ANKMY2: variants seen among roughly 807,000 people sequenced by gnomAD.
The protein encoded by ANKMY2 is ankyrin repeat and MYND domain containing 2, also known as ankyrin repeat and MYND domain-containing protein 2.
In ANKMY2, 36 loss-of-function variants were observed where a neutral mutation model predicts 50.4. That is an observed-to-expected ratio of 0.71 (90% CI 0.55 to 0.94). The LOEUF (loss-of-function observed/expected upper bound fraction) is 0.94, where lower values mean the gene tolerates loss of function less well. Ranked by LOEUF, ANKMY2 falls within the 40% of genes least tolerant of loss-of-function variation. The probability of loss-of-function intolerance (pLI) is 0.00; values close to 1 mark genes in which losing one functional copy is unlikely to be tolerated. For synonymous variants in ANKMY2, 187 were observed against 178.8 expected, an observed-to-expected ratio of 1.05 and a Z score of -0.36; for missense variants, 565 against 524.0, an observed-to-expected ratio of 1.08 and a Z score of -0.76.
rs75010324 is a variant in ANKMY2 at position 16,634,698 on chromosome 7, G to C, written c.132+1693C>G. ...CCAGGAAGAGTGCCTGTTCCCACCAGCCAGGCTTGAAAACCTCAAGCATCT... is the reference window on the plus strand; with the variant it reads ...CCAGGAAGAGTGCCTGTTCCCACCACCCAGGCTTGAAAACCTCAAGCATCT... On this transcript the variant is annotated intron_variant, in intron 2 of 9. Transcript: ENST00000306999. Among the ~76,000 whole-genome samples, 81 of 152,274 alleles carry C rather than the reference G, an allele frequency of 5.3e-4. No homozygotes were observed. The East Asian group carries it at 0.016, about 29-fold the overall frequency.
chr7:16,607,668 CTTTTTTTTTTTTTT>C (rs60554872), intron 7 of ANKMY2, among the ~76,000 whole-genome samples: 57,756 of 126,996 alleles, frequency 0.45, 12,015 homozygotes, highest in East Asian at 0.63. Context: ...TATTGACCTG[CTTTTTTTTTTTTTT>C]TTTTTTTTTA....
intron 7 of ANKMY2, among the ~76,000 whole-genome samples, chr7:16,606,190 C>A (rs530533691): frequency 6.6e-6 from 1 of 151,902 alleles, no homozygotes; most frequent in Non-Finnish European, 1.5e-5. Context: ...CAGTACTGTG[C>A]GAGGCCAAGG....
chr7:16,625,022 A>G lies in ANKMY2; in HGVS notation c.331T>C (p.Ser111Pro). 6.2e-7 allele frequency: 1 copy of G among 1,614,176 alleles called. No homozygotes were observed. Among genetic ancestry groups the G allele is most frequent in the Non-Finnish European group, 8.5e-7 (1 of 1,180,008 alleles). The change falls in exon 4 of 10, where the codon TCT becomes CCT. Residue 111 changes from serine (S) to proline (P), a missense_variant. Coordinates refer to ENST00000306999, the MANE Select transcript of ANKMY2 (RefSeq NM_020319.3). ...EAGAETDVVN[S>P]VGRTAAQMAA... ...ATCTGAGCTGCTGTTCTTCCCACAG[A>G]GTTGACAACATCTGTCTCAGCACCA...
intron 2 of ANKMY2, among the ~76,000 whole-genome samples, chr7:16,628,295 G>A (rs10486794): frequency 0.31 from 46,397 of 152,048 alleles, 8,539 homozygotes; most frequent in Non-Finnish European, 0.4. Context: ...TATTATGAAC[G>A]TAAGCCATCA....
intron 3 of ANKMY2, among the ~76,000 whole-genome samples, chr7:16,625,604 A>T (rs1781496744): frequency 6.6e-6 from 1 of 152,180 alleles, no homozygotes; most frequent in African/African-American, 2.4e-5. Flanking sequence ...GCTATTATGA[A>T]CTATACTCAG....
intron 2 of ANKMY2, among the ~76,000 whole-genome samples, chr7:16,631,852 T>A (rs1781591314): frequency 6.6e-6 from 1 of 152,060 alleles, no homozygotes; most frequent in African/African-American, 2.4e-5. Context: ...TGACCTCAGG[T>A]GATCCAACCG....
intron 4 of ANKMY2, among the ~76,000 whole-genome samples, chr7:16,618,819 C>T (rs1457192982): frequency 2.0e-5 from 3 of 152,160 alleles, no homozygotes; most frequent in African/African-American, 7.2e-5. Context: ...AGGAAATTTA[C>T]AACTGTATGT....
chr7:16,632,215 T>A (rs948765630), intron 2 of ANKMY2, among the ~76,000 whole-genome samples: 6 of 151,130 alleles, frequency 4.0e-5, no homozygotes, highest in Admixed American at 4.0e-4. Flanking sequence ...AGTTGATAAT[T>A]TTTACTGTTT....
chr7:16,636,023 A>G (rs1781653664), intron 2 of ANKMY2, among the ~76,000 whole-genome samples: 1 of 152,096 alleles, frequency 6.6e-6, no homozygotes, highest in Non-Finnish European at 1.5e-5. Flanking sequence ...AGAGATTTGA[A>G]GGCTGAGCGT....
intron 3 of ANKMY2, 122 bp downstream of exon 3, chr7:16,626,918 T>C: frequency 1.3e-6 from 1 of 797,198 alleles, no homozygotes; most frequent in Non-Finnish European, 1.8e-6. Context: ...ATTGCCATCA[T>C]TCCTTTCCAT....
chr7:16,625,071 G>A lies in ANKMY2; in HGVS notation c.282C>T (p.Asp94=). Residue 94 remains aspartate (D), a synonymous_variant, in exon 4 of 10, where the codon GAC becomes GAT. Transcript: ENST00000306999. ...LMFAALSGNK[D]ITWVMLEAGA... is the part of the protein sequence containing the mutation. ...CAGCTTCTAACATTACCCATGTGAT[G>A]TCTTTATTACCTAGAGTTTTAAAGG... 1.9e-6 allele frequency: 3 copies of A among 1,613,306 alleles called. No individual in the cohort carries two copies. The highest frequency in any genetic ancestry group is 2.5e-6 in the Non-Finnish European group (3 of 1,179,368).
At chr7:16,624,832 T>C (rs1380260490) in intron 4 of ANKMY2, 151 bp downstream of exon 4, 3 of 617,954 alleles carry the variant, frequency 4.9e-6, no homozygotes, top group East Asian at 5.6e-5. Context: ...CCAGAGTCAC[T>C]AGGTGTTTCA....
chr7:16,621,169 A>T (rs1031671391), intron 4 of ANKMY2, among the ~76,000 whole-genome samples: 11 of 152,220 alleles, frequency 7.2e-5, no homozygotes, highest in African/African-American at 2.4e-4. Context: ...ATCCATAACC[A>T]GCTGGAAGTG....
chr7:16,617,596 G>A (rs988086594), intron 4 of ANKMY2, among the ~76,000 whole-genome samples: 9 of 152,170 alleles, frequency 5.9e-5, no homozygotes, highest in Non-Finnish European at 2.9e-5. Flanking sequence ...GAGCCGCAGA[G>A]AGATTCAAAT....
At chr7:16,640,711 G>A (rs902854975) in intron 1 of ANKMY2, among the ~76,000 whole-genome samples, 7 of 151,938 alleles carry the variant, frequency 4.6e-5, no homozygotes, top group Non-Finnish European at 7.4e-5. Flanking sequence ...TTGTAACAAC[G>A]GGGTCTCACT....
Position 16,645,741 on chromosome 7 carries a change from C to T in ANKMY2, c.-168G>A. 1.3e-6 allele frequency: 1 copy of T among 747,816 alleles called. No individual in the cohort carries two copies. Among genetic ancestry groups the T allele is most frequent in the Non-Finnish European group, 2.0e-6 (1 of 506,372 alleles). The allele number at this position is 747,816 out of a possible 1,614,324, so 46.3% of individuals were successfully genotyped here. A position where few individuals can be genotyped will look rare whatever the true frequency, so the allele number is the denominator to read the frequency against. On this transcript the variant is annotated 5_prime_UTR_variant, in exon 1 of 10. Transcript: ENST00000306999. ...CTCCTCCCTCCCGCGGGCTGGCGGA[C>T]AGCGGGCGAGCTCGGGCGAGCCAGG...
Position 16,600,829 on chromosome 7 carries a change from G to T in ANKMY2, c.1258C>A (p.Leu420Ile). ...CCTTCCAACTCAGCTTCGCTTTCAA[G>T]AGATTCTTTCTTTCCTTCCCCGGAA... ...EDSGEGKKES[L>I]ESEAELEGLQ... Residue 420 changes from leucine (L) to isoleucine (I), a missense_variant, in exon 10 of 10, where the codon CTT becomes ATT. Physicochemically the swap from Leu to Ile is conservative, Grantham distance 5. Coordinates refer to ENST00000306999, the MANE Select transcript of ANKMY2 (RefSeq NM_020319.3). 1 of 1,613,638 alleles carries T rather than the reference G, an allele frequency of 6.2e-7. No individual in the cohort carries two copies. Among genetic ancestry groups the T allele is most frequent in the African/African-American group, 1.3e-5 (1 of 75,020 alleles).
At chr7:16,644,399 T>G (rs1489080043) in intron 1 of ANKMY2, among the ~76,000 whole-genome samples, 1 of 152,200 alleles carries the variant, frequency 6.6e-6, no homozygotes, top group Non-Finnish European at 1.5e-5. Flanking sequence ...CCTGTTGAGT[T>G]CAAACCGGAA....
chr7:16,615,644 A>G (rs1781332454), intron 5 of ANKMY2, 100 bp downstream of exon 5: 2 of 1,497,622 alleles, frequency 1.3e-6, no homozygotes, highest in Admixed American at 4.2e-5. Flanking sequence ...CTACAACTAC[A>G]AAACCCACCC....
Sources: gnomAD v4.1 joint callset for allele counts (sites outside exome capture counted in the v4.1 genomes callset) on GRCh38, gnomAD v4.1.1 for gene constraint, MANE v1.5 for transcripts, NCBI Gene and HGNC (gene_info 2026-07-23, HGNC 2026-07-21) for gene names.